Variants in UBE2O observed in about 807,000 individuals in gnomAD.
UBE2O encodes (E3-independent) E2 ubiquitin-conjugating enzyme.
In UBE2O, 15 loss-of-function variants were observed where a neutral mutation model predicts 125.8. The ratio of observed to expected loss-of-function variants is 0.12; its 90% CI spans 0.08 to 0.18. UBE2O has a LOEUF of 0.18. Among genes scored for constraint, UBE2O ranks in the 10% least tolerant of loss-of-function variants. The probability of loss-of-function intolerance (pLI) is 1.00; values close to 1 mark genes in which losing one functional copy is unlikely to be tolerated. For missense variants in UBE2O, 1,280 were observed against 1,723.6 expected, an observed-to-expected ratio of 0.74 and a Z score of 4.56; for synonymous variants, 708 against 703.2, an observed-to-expected ratio of 1.01 and a Z score of -0.11.
At position 76,402,795 on chromosome 17, in the gene UBE2O, G is replaced by A; in HGVS notation, c.589-96C>T. 1.9e-6 allele frequency: 2 copies of A among 1,053,992 alleles called. No individual in the cohort carries two copies. The allele number at this position is 1,053,992 out of a possible 1,614,324, so 65.3% of individuals were successfully genotyped here. The stretch of plus-strand genomic sequence containing the variant: ...ATGCCCCACCGAAGACAGGATGGGG[G>A]AGGATCTAGACAGCTCACTGACTGG... On this transcript the variant is annotated intron_variant, in intron 3 of 17. Transcript: ENST00000319380. The surrounding 1 kb of genome is among the most constrained non-coding windows in gnomAD (Gnocchi z 5.4).
rs200806608 is a variant in UBE2O, at chr17:76,391,060, G to A, written c.3762C>T (p.Ile1254=). 65 of 1,614,082 alleles carry A rather than the reference G, an allele frequency of 4.0e-5. No homozygotes were observed. The highest frequency in any genetic ancestry group is 2.0e-4 in the Admixed American group (12 of 60,020). Reference sequence around the variant, plus strand: ...TGGAAAGTGGGAAGAGGGGGAAGCCGATGTCAGGGTAGCCACTCTTCTCAG... The same window carrying A: ...TGGAAAGTGGGAAGAGGGGGAAGCCAATGTCAGGGTAGCCACTCTTCTCAG... The part of the protein sequence containing the change: ...FLPEKSGYPD[I]GFPLFPLSKG... The change falls in exon 18 of 18, where the codon ATC becomes ATT. Residue 1254 remains isoleucine (I), a synonymous_variant. Coordinates refer to ENST00000319380, the MANE Select transcript of UBE2O (RefSeq NM_022066.4). This position sits in a 1 kb window ranked among gnomAD's most constrained non-coding sequence, Gnocchi z 8.4.
chr17:76,434,596 T>C (rs1195679869), intron 1 of UBE2O, among the ~76,000 whole-genome samples: 1 of 152,056 alleles, frequency 6.6e-6, no homozygotes, highest in African/African-American at 2.4e-5. Flanking sequence ...CCACCTTATA[T>C]GGCCGTGGTT....
chr17:76,428,020 T>G (rs967402526), intron 1 of UBE2O, among the ~76,000 whole-genome samples: 8 of 152,194 alleles, frequency 5.3e-5, no homozygotes, highest in African/African-American at 1.9e-4. Flanking sequence ...TTGCTTTCGG[T>G]TCTCTGTTTT....
In UBE2O at chr17:76,402,680, T is replaced by C. The variant is rs777792040; in HGVS notation, c.608A>G (p.Tyr203Cys). 2 of 1,613,992 alleles carry C rather than the reference T, an allele frequency of 1.2e-6. No homozygotes were observed. Among genetic ancestry groups the C allele is most frequent in the East Asian group, 2.2e-5 (1 of 44,880 alleles). ...QHIWPFMYGD[Y>C]IAYDCWLGKV... Reference sequence around the variant, plus strand: ...CCCCAGCCAGCAGTCATAGGCAATGTAGTCCCCATACATGAAGGGCTGCAG... The same window carrying C: ...CCCCAGCCAGCAGTCATAGGCAATGCAGTCCCCATACATGAAGGGCTGCAG... The change falls in exon 4 of 18, where the codon TAC becomes TGC. Residue 203 changes from tyrosine to cysteine, a missense_variant. By Grantham distance (194) the Tyr-to-Cys change is radical. Transcript: ENST00000319380. This position sits in a 1 kb window ranked among gnomAD's most constrained non-coding sequence, Gnocchi z 5.4.
intron 1 of UBE2O, among the ~76,000 whole-genome samples, chr17:76,407,931 G>C (rs2072451836): frequency 2.0e-5 from 3 of 152,206 alleles, no homozygotes; most frequent in African/African-American, 7.2e-5. Flanking sequence ...GCTGGGAGCA[G>C]AGTGGGAGCG....
rs529131065 is a variant in UBE2O at position 76,443,334 on chromosome 17, G to T, written c.417+9391C>A. On this transcript the variant is annotated intron_variant, in intron 1 of 17. Coordinates refer to ENST00000319380, the MANE Select transcript of UBE2O (RefSeq NM_022066.4). The stretch of plus-strand genomic sequence containing the variant: ...GAAAGAGTCTCACTCTGTCGCCCAG[G>T]CTGGAGTGCCGGGGCACGATCTCGG... Among the ~76,000 whole-genome samples, 43 of 152,210 alleles carry T rather than the reference G, an allele frequency of 2.8e-4. No individual in the cohort carries two copies. The South Asian group carries it at 8.7e-3, about 31-fold the overall frequency.
At chr17:76,440,521 T>G (rs570655374) in intron 1 of UBE2O, among the ~76,000 whole-genome samples, 1 of 152,108 alleles carries the variant, frequency 6.6e-6, no homozygotes, top group Non-Finnish European at 1.5e-5. Context: ...AGAGATGGGG[T>G]TTCATCATGT....
chr17:76,413,596 GT>G, intron 1 of UBE2O, among the ~76,000 whole-genome samples: 1 of 152,172 alleles, frequency 6.6e-6, no homozygotes, highest in Admixed American at 6.6e-5. Flanking sequence ...TATAAAATGT[GT>G]ATTTTACCGT....
intron 1 of UBE2O, among the ~76,000 whole-genome samples, chr17:76,443,007 CTAATTT>C (rs1484955507): frequency 6.6e-6 from 1 of 152,136 alleles, no homozygotes; most frequent in Non-Finnish European, 1.5e-5. Context: ...CCCAAATGCT[CTAATTT>C]TGAGAAGATT....
intron 1 of UBE2O, among the ~76,000 whole-genome samples, chr17:76,420,521 G>A (rs2072691406): frequency 6.6e-6 from 1 of 152,058 alleles, no homozygotes; most frequent in Non-Finnish European, 1.5e-5. Context: ...TGCAGGCCAG[G>A]AGAACCTACA....
At chr17:76,422,414 C>T (rs1231908159) in intron 1 of UBE2O, among the ~76,000 whole-genome samples, 1 of 152,188 alleles carries the variant, frequency 6.6e-6, no homozygotes, top group Non-Finnish European at 1.5e-5. Flanking sequence ...ACCCAGTGGC[C>T]TCTTCCTCCC....
chr17:76,411,635 T>C (rs1167322372), intron 1 of UBE2O, among the ~76,000 whole-genome samples: 2 of 152,046 alleles, frequency 1.3e-5, no homozygotes, highest in Admixed American at 1.3e-4. Context: ...AATCCCGGGG[T>C]AAAAGGCAAC....
At position 76,396,936 on chromosome 17, in the gene UBE2O, G is replaced by T; in HGVS notation, c.2116-115C>A. 1 of 919,464 alleles carries T rather than the reference G, an allele frequency of 1.1e-6. No homozygotes were observed. The highest frequency in any genetic ancestry group is 1.6e-6 in the Non-Finnish European group (1 of 622,100). The allele number at this position is 919,464 out of a possible 1,614,324, so 57.0% of individuals were successfully genotyped here. A position where few individuals can be genotyped will look rare whatever the true frequency, so the allele number is the denominator to read the frequency against. ...AGCTGATGGCGACTGGGCTCATGAGGCCTTGGCAACCTCATTCCACCCTTT... is the reference window on the plus strand; with the variant it reads ...AGCTGATGGCGACTGGGCTCATGAGTCCTTGGCAACCTCATTCCACCCTTT... On this transcript the variant is annotated intron_variant, in intron 13 of 17. Transcript: ENST00000319380. The surrounding 1 kb of genome is among the most constrained non-coding windows in gnomAD (Gnocchi z 6.7).
chr17:76,392,975 C>T (rs575216033), intron 15 of UBE2O, among the ~76,000 whole-genome samples: 3 of 151,750 alleles, frequency 2.0e-5, no homozygotes, highest in Non-Finnish European at 4.4e-5. Context: ...TTGTATTCCT[C>T]AGCCAGACGT....
In UBE2O at chr17:76,452,095, TCCC is replaced by T. The variant is rs542215423; in HGVS notation, c.417+627_417+629del. Among the ~76,000 whole-genome samples, 1 of 151,716 alleles carries T rather than the reference TCCC, an allele frequency of 6.6e-6. No individual in the cohort carries two copies. The highest frequency in any genetic ancestry group is 1.5e-5 in the Non-Finnish European group (1 of 67,958). On this transcript the variant is annotated intron_variant, in intron 1 of 17. Coordinates refer to ENST00000319380, the MANE Select transcript of UBE2O (RefSeq NM_022066.4). The surrounding 1 kb of genome is among the most constrained non-coding windows in gnomAD (Gnocchi z 4.4). ...ATCCCGGTCGCAGCTGTCAGAATCCTCCCCCCCAAGTACTATTCATACCGGGGC... is the reference window on the plus strand; with the variant it reads ...ATCCCGGTCGCAGCTGTCAGAATCCTCCCCAAGTACTATTCATACCGGGGC...
chr17:76,446,936 C>A (rs1367654239), intron 1 of UBE2O, among the ~76,000 whole-genome samples: 1 of 152,206 alleles, frequency 6.6e-6, no homozygotes, highest in Non-Finnish European at 1.5e-5. Flanking sequence ...ACTGAGGGGT[C>A]AGGGAATGAA....
At chr17:76,429,837 C>T (rs1045502620) in intron 1 of UBE2O, among the ~76,000 whole-genome samples, 1 of 152,192 alleles carries the variant, frequency 6.6e-6, no homozygotes, top group African/African-American at 2.4e-5. Context: ...TCATGAATCC[C>T]TCTTTCAGTC....
At position 76,396,393 on chromosome 17, in the gene UBE2O, A is replaced by C; in HGVS notation, c.2544T>G (p.Thr848=). 6.2e-7 allele frequency: 1 copy of C among 1,614,030 alleles called. No individual in the cohort carries two copies. The highest frequency in any genetic ancestry group is 8.5e-7 in the Non-Finnish European group (1 of 1,180,006). Residue 848 remains threonine (T), a synonymous_variant, in exon 14 of 18, where the codon ACT becomes ACG. Transcript: ENST00000319380. This position sits in a 1 kb window ranked among gnomAD's most constrained non-coding sequence, Gnocchi z 6.7. ...TSPTVEPEKP[T]REKKFLDDIK... ...TGTCATCCAGAAACTTCTTCTCCCG[A>C]GTTGGCTTCTCAGGCTCCACAGTCG... is the stretch of plus-strand genomic sequence containing the variant.
intron 1 of UBE2O, among the ~76,000 whole-genome samples, chr17:76,419,080 C>T (rs1196177947): frequency 2.0e-5 from 3 of 151,320 alleles, no homozygotes; most frequent in East Asian, 3.9e-4. Context: ...CCCAGGAGTT[C>T]GAGAACCAGC....
Sources: allele counts gnomAD v4.1 joint callset (sites outside exome capture counted in the v4.1 genomes callset), GRCh38; gene constraint gnomAD v4.1.1; non-coding constraint Gnocchi (gnomAD v3.1); transcripts MANE v1.5; gene names NCBI Gene and HGNC (gene_info 2026-07-23, HGNC 2026-07-21).